Variants in BCAS3 observed in about 807,000 individuals in gnomAD.
BCAS3 encodes the protein BCAS3 microtubule associated cell migration factor.
BCAS3 carries 53 observed loss-of-function variants against 116.1 expected under a neutral mutation model. That is an observed-to-expected ratio of 0.46 (90% CI 0.37 to 0.57). BCAS3 has a LOEUF of 0.57. Among genes scored for constraint, BCAS3 ranks in the 20% least tolerant of loss-of-function variants. The pLI is 0.00. For synonymous variants in BCAS3, 391 were observed against 408.2 expected (o/e 0.96, Z 0.51); for missense variants, 917 against 1,165.4 (o/e 0.79, Z 3.10).
intron 19 of BCAS3, among the ~76,000 whole-genome samples, chr17:61,059,750 G>A (rs914163005): frequency 6.6e-6 from 1 of 152,174 alleles, no homozygotes; most frequent in African/African-American, 2.4e-5. Context: ...TACTGGCTGG[G>A]CACGGTGGCT....
intron 22 of BCAS3, among the ~76,000 whole-genome samples, chr17:61,360,857 A>C (rs958737528): frequency 6.6e-6 from 1 of 152,256 alleles, no homozygotes; most frequent in Non-Finnish European, 1.5e-5. Context: ...AACAGGGAAA[A>C]TGACTCTTCC....
chr17:61,114,161 C>G (rs2076421507), intron 22 of BCAS3, among the ~76,000 whole-genome samples: 1 of 131,254 alleles, frequency 7.6e-6, no homozygotes. Context: ...TGGAAGCATT[C>G]CCTTTGAAAA....
At chr17:60,941,711 T>A (rs962702269) in intron 13 of BCAS3, among the ~76,000 whole-genome samples, 1 of 152,188 alleles carries the variant, frequency 6.6e-6, no homozygotes, top group African/African-American at 2.4e-5. Context: ...TTTGAATTTG[T>A]TTTACATAAT....
intron 6 of BCAS3, among the ~76,000 whole-genome samples, chr17:60,776,056 C>G (rs1251337582): frequency 6.6e-6 from 1 of 152,072 alleles, no homozygotes; most frequent in Non-Finnish European, 1.5e-5. Context: ...AGATTAAAAG[C>G]AAAGTTTTGA....
chr17:60,791,074 T>C (rs1318705205), intron 6 of BCAS3, among the ~76,000 whole-genome samples: 1 of 152,102 alleles, frequency 6.6e-6, no homozygotes, highest in Non-Finnish European at 1.5e-5. Flanking sequence ...GGTGAAGATC[T>C]TGCTATATTG....
chr17:60,687,698 G>A (rs2034266138), intron 3 of BCAS3, among the ~76,000 whole-genome samples: 1 of 152,062 alleles, frequency 6.6e-6, no homozygotes, highest in Non-Finnish European at 1.5e-5. Flanking sequence ...GTGTCTTACT[G>A]AGAATAAAAT....
rs569208214 is a variant in BCAS3, at chr17:60,678,597, T to TA, written c.-6+684dup. Among the ~76,000 whole-genome samples the TA allele has an allele frequency of 1.6e-4, 24 of 152,328 alleles. No individual in the cohort carries two copies. In the South Asian group the frequency reaches 5.0e-3, roughly 32 times the overall value. On this transcript the variant is annotated intron_variant, in intron 1 of 23. Coordinates refer to ENST00000407086, the MANE Select transcript of BCAS3 (RefSeq NM_017679.5). ...AAAGGGCTGTAACAACGTATTAGTT[T>TA]ATGTTAGTTATTTGACTACTTGCTA...
Position 61,136,406 on chromosome 17 carries a change from T to C in BCAS3, c.2425+51842T>C, listed in dbSNP as rs1333879446. ...GGTTTCTCAGCGTAAGTACTGAAGG[T>C]ATTTTGGACTGGACAATTCTTTGTG... On this transcript the variant is annotated intron_variant, in intron 22 of 23. Transcript: ENST00000407086. This position sits in a 1 kb window ranked among gnomAD's most constrained non-coding sequence, Gnocchi z 4.4. Among the ~76,000 whole-genome samples the C allele has an allele frequency of 2.0e-5, 3 of 152,144 alleles. No homozygotes were observed. The highest frequency in any genetic ancestry group is 4.4e-5 in the Non-Finnish European group (3 of 68,030).
intron 22 of BCAS3, among the ~76,000 whole-genome samples, chr17:61,192,285 C>A (rs1475403408): frequency 8.8e-6 from 1 of 113,982 alleles, no homozygotes; most frequent in Non-Finnish European, 2.0e-5. Context: ...TTAGAAACGT[C>A]AACATTTATA....
chr17:60,802,357 T>C (rs913123409), intron 6 of BCAS3, among the ~76,000 whole-genome samples: 15 of 138,462 alleles, frequency 1.1e-4, no homozygotes, highest in African/African-American at 2.8e-4. Flanking sequence ...TACACACACA[T>C]ACATACATAC....
chr17:60,682,781 C>T (rs2033374603), intron 2 of BCAS3, among the ~76,000 whole-genome samples: 1 of 152,142 alleles, frequency 6.6e-6, no homozygotes, highest in Non-Finnish European at 1.5e-5. Context: ...CTCGGCCTCC[C>T]AAAGTGCTGG....
At chr17:61,111,351 G>T (rs1357722058) in intron 22 of BCAS3, among the ~76,000 whole-genome samples, 1 of 150,040 alleles carries the variant, frequency 6.7e-6, no homozygotes, top group African/African-American at 2.4e-5. Context: ...AAATTTAGAA[G>T]AATGTATAAC....
intron 22 of BCAS3, among the ~76,000 whole-genome samples, chr17:61,096,059 G>A (rs765711733): frequency 6.6e-6 from 1 of 152,138 alleles, no homozygotes; most frequent in Non-Finnish European, 1.5e-5. Flanking sequence ...GTGCAGTGGT[G>A]TGATATCGGT....
intron 7 of BCAS3, among the ~76,000 whole-genome samples, chr17:60,856,165 T>C (rs1049978427): frequency 6.6e-6 from 1 of 152,226 alleles, no homozygotes; most frequent in Non-Finnish European, 1.5e-5. Flanking sequence ...TACCATCTTT[T>C]CCATTGCCTT....
chr17:60,724,733 AATT>A (rs2039644837), intron 5 of BCAS3, among the ~76,000 whole-genome samples: 1 of 151,776 alleles, frequency 6.6e-6, no homozygotes, highest in African/African-American at 2.4e-5. Flanking sequence ...AAAAAAAAAA[AATT>A]CATTTTCTTT....
chr17:60,970,884 G>A (rs2145347008), intron 14 of BCAS3, among the ~76,000 whole-genome samples: 1 of 152,212 alleles, frequency 6.6e-6, no homozygotes, highest in Middle Eastern at 3.4e-3. Flanking sequence ...AGCTACATTG[G>A]CCTATTAGAT....
intron 22 of BCAS3, among the ~76,000 whole-genome samples, chr17:61,338,618 G>A (rs1031886207): frequency 6.6e-6 from 1 of 152,050 alleles, no homozygotes; most frequent in Non-Finnish European, 1.5e-5. Context: ...AGTGGAGGTA[G>A]GGGCTTTTGG....
intron 22 of BCAS3, among the ~76,000 whole-genome samples, chr17:61,268,515 C>T (rs561831165): frequency 2.0e-5 from 3 of 152,132 alleles, no homozygotes; most frequent in Non-Finnish European, 4.4e-5. Context: ...TTTCATCATA[C>T]AAAACTGAAA....
At chr17:60,678,776 A>G (rs2032467022) in intron 1 of BCAS3, among the ~76,000 whole-genome samples, 1 of 152,140 alleles carries the variant, frequency 6.6e-6, no homozygotes, top group Non-Finnish European at 1.5e-5. Flanking sequence ...ATATTGTACC[A>G]TGTGTATTTT....
Sources: allele counts gnomAD v4.1 joint callset (sites outside exome capture counted in the v4.1 genomes callset), GRCh38; gene constraint gnomAD v4.1.1; non-coding constraint Gnocchi (gnomAD v3.1); transcripts MANE v1.5; gene names NCBI Gene and HGNC (gene_info 2026-07-23, HGNC 2026-07-21).